The following TPTE2 variants were observed in gnomAD, a reference collection of about 807,000 sequenced individuals.
TPTE2 encodes the protein phosphatidylinositol 3,4,5-trisphosphate 3-phosphatase TPTE2.
TPTE2 carries 53 observed loss-of-function variants against 78.6 expected under a neutral mutation model. That is an observed-to-expected ratio of 0.67 (90% CI 0.54 to 0.85). The LOEUF (loss-of-function observed/expected upper bound fraction) is 0.85. TPTE2 is among the 40% of genes least tolerant of loss of function. TPTE2 has a pLI of 0.00. For missense variants in TPTE2, 461 were observed against 623.0 expected (o/e 0.74, Z 2.77); for synonymous variants, 175 against 206.2 (o/e 0.85, Z 1.30).
intron 10 of TPTE2, among the ~76,000 whole-genome samples, chr13:19,460,999 A>G (rs1878854279): frequency 6.6e-6 from 1 of 151,910 alleles, no homozygotes; most frequent in Non-Finnish European, 1.5e-5. Flanking sequence ...AATTCTTTAT[A>G]GTTCCTTCCA....
At chr13:19,556,666 C>T in the TPTE2 span, among the ~76,000 whole-genome samples, 1 of 152,130 alleles carries the variant, frequency 6.6e-6, no homozygotes, top group African/African-American at 2.4e-5. Context: ...GCTAGGATTA[C>T]AGGCATATAC....
chr13:19,528,664 G>T (rs572397098), intron 1 of TPTE2, among the ~76,000 whole-genome samples: 1 of 152,140 alleles, frequency 6.6e-6, no homozygotes. Flanking sequence ...TCCAGTTCTC[G>T]CTAGCTCAGA....
intron 6 of TPTE2, among the ~76,000 whole-genome samples, chr13:19,472,416 C>T (rs1158941348): frequency 1.3e-5 from 2 of 152,118 alleles, no homozygotes; most frequent in Non-Finnish European, 2.9e-5. Context: ...TTAATTCTTT[C>T]TTCTGGTTTA....
chr13:19,443,735 AAT>A (rs1877637612), intron 13 of TPTE2, among the ~76,000 whole-genome samples: 1 of 101,064 alleles, frequency 9.9e-6, no homozygotes, highest in Non-Finnish European at 1.9e-5. Flanking sequence ...AATGGTAGCT[AAT>A]ACACACACAC....
chr13:19,424,915 G>A (rs1480445988), intron 19 of TPTE2, 32 bp downstream of exon 22: 1 of 1,265,368 alleles, frequency 7.9e-7, no homozygotes, highest in African/African-American at 1.5e-5. Context: ...TGAAGATTAG[G>A]CTGTTTCTAT....
At chr13:19,441,659 C>T (rs2137507350) in intron 13 of TPTE2, among the ~76,000 whole-genome samples, 1 of 152,208 alleles carries the variant, frequency 6.6e-6, no homozygotes, top group African/African-American at 2.4e-5. Flanking sequence ...ACTTCCTTAA[C>T]TCAACAAAGA....
chr13:19,512,918 G>A (rs2497180), intron 1 of TPTE2, among the ~76,000 whole-genome samples: 142,068 of 152,200 alleles, frequency 0.93, 66,609 homozygotes, highest in East Asian at 1. Flanking sequence ...TCCTTTTGTA[G>A]AATCCTTGGG....
upstream of TPTE2, among the ~76,000 whole-genome samples, chr13:19,507,084 T>TAC (rs763030363): frequency 6.6e-6 from 1 of 152,054 alleles, no homozygotes; most frequent in Non-Finnish European, 1.5e-5. Context: ...TTTATGAACA[T>TAC]ACACACACAC....
chr13:19,506,364 G>A (rs2932158), upstream of TPTE2, among the ~76,000 whole-genome samples: 130,342 of 148,670 alleles, frequency 0.88, 57,285 homozygotes, highest in South Asian at 0.93. Context: ...TAGTAGAGAC[G>A]GGGTTTCACC....
chr13:19,491,538 C>T (rs1187232970), intron 3 of TPTE2, among the ~76,000 whole-genome samples: 1 of 152,062 alleles, frequency 6.6e-6, no homozygotes, highest in African/African-American at 2.4e-5. Flanking sequence ...ATTAAAAATA[C>T]ATTTTAGCCA....
At chr13:19,443,660 C>G (rs1877630961) in intron 13 of TPTE2, among the ~76,000 whole-genome samples, 1 of 151,932 alleles carries the variant, frequency 6.6e-6, no homozygotes, top group African/African-American at 2.4e-5. Flanking sequence ...CCCACTGGGC[C>G]TCCCAAAGTG....
At chr13:19,464,164 T>C (rs1450006037) in intron 10 of TPTE2, among the ~76,000 whole-genome samples, 11 of 152,164 alleles carry the variant, frequency 7.2e-5, no homozygotes, top group Non-Finnish European at 1.5e-5. Flanking sequence ...ATGAGCTTAG[T>C]TGAGACAGGA....
chr13:19,461,259 TA>T (rs1878868335), intron 10 of TPTE2, among the ~76,000 whole-genome samples: 1 of 152,158 alleles, frequency 6.6e-6, no homozygotes, highest in Admixed American at 6.5e-5. Context: ...TCCTTTCATT[TA>T]AAAAATCTGT....
intron 1 of TPTE2, among the ~76,000 whole-genome samples, chr13:19,496,503 T>C (rs1881321037): frequency 6.6e-6 from 1 of 152,180 alleles, no homozygotes; most frequent in African/African-American, 2.4e-5. Context: ...TTCCTGTCCA[T>C]GGGACACAGG....
chr13:19,492,771 T>C, intron 3 of TPTE2, 79 bp downstream of exon 6: 2 of 1,574,028 alleles, frequency 1.3e-6, no homozygotes, highest in Non-Finnish European at 1.7e-6. Flanking sequence ...TGGATGGATA[T>C]ATTTGTGTAT....
At chr13:19,479,884 A>C (rs957655782) in intron 4 of TPTE2, among the ~76,000 whole-genome samples, 24 of 151,138 alleles carry the variant, frequency 1.6e-4, no homozygotes, top group African/African-American at 5.8e-4. Context: ...AATCGCTTGA[A>C]CCTGGGAGGC....
At chr13:19,558,648 C>T in the TPTE2 span, among the ~76,000 whole-genome samples, 1 of 152,150 alleles carries the variant, frequency 6.6e-6, no homozygotes, top group African/African-American at 2.4e-5. Context: ...TTAACAGTAG[C>T]CCTTCTGAAA....
chr13:19,492,713 T>C, intron 3 of TPTE2, 137 bp downstream of exon 6: 18 of 1,243,004 alleles, frequency 1.4e-5, no homozygotes, highest in Non-Finnish European at 2.0e-5. Flanking sequence ...ACTTTGTGCA[T>C]GGGTTTGTTT....
At chr13:19,558,085 G>C in the TPTE2 span, among the ~76,000 whole-genome samples, 11 of 152,100 alleles carry the variant, frequency 7.2e-5, no homozygotes, top group African/African-American at 2.7e-4. Context: ...CAAGATTTCT[G>C]TTTATAAAAT....
Sources: allele counts gnomAD v4.1 joint callset (sites outside exome capture counted in the v4.1 genomes callset), GRCh38; gene constraint gnomAD v4.1.1; transcripts MANE v1.5; gene names NCBI Gene and HGNC (gene_info 2026-07-23, HGNC 2026-07-21).